CACNA1H: variants seen among roughly 807,000 people sequenced by gnomAD.
CACNA1H encodes calcium voltage-gated channel subunit alpha1 H.
In CACNA1H, 149 loss-of-function variants were observed where a neutral mutation model predicts 192.5. The observed-to-expected ratio is 0.77, with a 90% CI of 0.68 to 0.89. The LOEUF (loss-of-function observed/expected upper bound fraction) is 0.89, where lower values mean the gene tolerates loss of function less well. Among genes scored for constraint, CACNA1H ranks in the 40% least tolerant of loss-of-function variants. CACNA1H has a pLI of 0.00. For missense variants in CACNA1H, 4,257 were observed against 3,423.5 expected, an observed-to-expected ratio of 1.24 and a Z score of -6.08; for synonymous variants, 2,202 against 1,475.2, an observed-to-expected ratio of 1.49 and a Z score of -11.29.
At chr16:1,198,292 C>G (rs1255470095) in intron 5 of CACNA1H, among the ~76,000 whole-genome samples, 2 of 152,176 alleles carry the variant, frequency 1.3e-5, no homozygotes, top group East Asian at 3.9e-4. Flanking sequence ...CCTGCCTCCA[C>G]TCCTGCCCCT....
At position 1,206,667 on chromosome 16, in the gene CACNA1H, A is replaced by G. The variant is rs1335651492; in HGVS notation, c.2790-334A>G. On this transcript the variant is annotated intron_variant, in intron 12 of 34. Coordinates refer to ENST00000348261, the MANE Select transcript of CACNA1H (RefSeq NM_021098.3). ...AGGGTCGGCTGGAGGCTAGGCAGCC[A>G]GGCAGGCCGGGCTTTCACAGTCCAG... The G allele has an allele frequency of 2.1e-5, 9 of 423,626 alleles. No homozygotes were observed. The East Asian group carries it at 3.6e-4, about 17-fold the overall frequency. The allele number at this position is 423,626 out of a possible 1,614,324, so 26.2% of individuals were successfully genotyped here. A position where few individuals can be genotyped will look rare whatever the true frequency, so the allele number is the denominator to read the frequency against.
Position 1,158,713 on chromosome 16 carries a change from G to C in CACNA1H, c.299+4677G>C, listed in dbSNP as rs375158881. Among the ~76,000 whole-genome samples, 1,438 of 152,280 alleles carry C rather than the reference G, an allele frequency of 9.4e-3. 19 individuals carry two copies. The highest frequency in any genetic ancestry group is 0.033 in the African/African-American group (1,352 of 41,558). On this transcript the variant is annotated intron_variant, in intron 2 of 34. Coordinates refer to ENST00000348261, the MANE Select transcript of CACNA1H (RefSeq NM_021098.3). ...CCTCCCAGACCCGCTTCTGCGGCCG[G>C]GGCTGCCGGGCATGTGACCTTGGTG... is the stretch of plus-strand genomic sequence containing the variant.
Position 1,214,917 on chromosome 16 carries a change from G to A in CACNA1H, c.4930-55G>A, listed in dbSNP as rs574647109. 4 of 1,351,810 alleles carry A rather than the reference G, an allele frequency of 3.0e-6. No individual in the cohort carries two copies. The African/African-American group carries it at 5.8e-5, about 20-fold the overall frequency. The allele number at this position is 1,351,810 out of a possible 1,614,324, so 83.7% of individuals were successfully genotyped here. On this transcript the variant is annotated intron_variant, in intron 27 of 34. Transcript: ENST00000348261. ...CTCGGGCGTGCAGAGTGGGAGCCAG[G>A]GGGAAGAGGGGTGGCCCCAGCCCCA...
In CACNA1H at chr16:1,153,157, C is replaced by T. The variant is rs1415051860; in HGVS notation, c.-332C>T. ...GGACGGGCTCGAGGCTCGCTCGCTGCCTCACCGGTCCCCGGCCCGCGCCCC... is the reference window on the plus strand; with the variant it reads ...GGACGGGCTCGAGGCTCGCTCGCTGTCTCACCGGTCCCCGGCCCGCGCCCC... On this transcript the variant is annotated 5_prime_UTR_variant, in exon 1 of 35. Transcript: ENST00000348261. The T allele has an allele frequency of 6.9e-6, 1 of 144,786 alleles. No homozygotes were observed. Among genetic ancestry groups the T allele is most frequent in the Non-Finnish European group, 1.5e-5 (1 of 64,960 alleles). 9.0% of individuals were successfully genotyped at this position (144,786 alleles called of 1,614,324 possible).
In CACNA1H at chr16:1,195,543, G is replaced by A; in HGVS notation, c.523G>A (p.Asp175Asn). The change falls in exon 4 of 35, where the codon GAT (aspartate) becomes AAT (asparagine). Residue 175 changes from aspartate (D) to asparagine (N), a missense_variant. Transcript: ENST00000348261. ...CYLGDTWNRL[D>N]FFIVVAGMME... ...CCTGGGTGACACGTGGAACAGGCTG[G>A]ATTTCTTCATCGTCGTGGCGGGGTA... is the stretch of plus-strand genomic sequence containing the variant. 6.2e-7 allele frequency: 1 copy of A among 1,605,978 alleles called. No individual in the cohort carries two copies. Among genetic ancestry groups the A allele is most frequent in the Non-Finnish European group, 8.5e-7 (1 of 1,176,636 alleles).
chr16:1,170,059 C>T (rs930134310), intron 2 of CACNA1H, among the ~76,000 whole-genome samples: 3 of 152,234 alleles, frequency 2.0e-5, no homozygotes, highest in South Asian at 2.1e-4. Context: ...GAGCCCCCCT[C>T]CCCCGCTCGC....
chr16:1,154,361 G>A (rs1962009016), intron 2 of CACNA1H, among the ~76,000 whole-genome samples: 1 of 152,120 alleles, frequency 6.6e-6, no homozygotes, highest in East Asian at 1.9e-4. Flanking sequence ...AACTCCTCGC[G>A]GCCCCAAGGG....
Position 1,153,949 on chromosome 16 carries a change from C to T in CACNA1H, c.212C>T (p.Pro71Leu). Residue 71 changes from proline (P) to leucine (L), a missense_variant, in exon 2 of 35, where the codon CCG becomes CTG. Pro to Leu is a moderately conservative substitution (Grantham distance 98, BLOSUM62 -3). Coordinates refer to ENST00000348261, the MANE Select transcript of CACNA1H (RefSeq NM_021098.3). ...ELGADEEQRV[P>L]YPALAATVFF... is the part of the protein sequence containing the mutation. ...GGTGCCGACGAGGAGCAGCGCGTCC[C>T]GTACCCGGCCTTGGCGGCCACGGTC... 4.8e-6 allele frequency: 7 copies of T among 1,453,220 alleles called. No individual in the cohort carries two copies. Among genetic ancestry groups the T allele is most frequent in the Non-Finnish European group, 6.3e-6 (7 of 1,103,128 alleles). 90.0% of individuals were successfully genotyped at this position (1,453,220 alleles called of 1,614,324 possible). A position where few individuals can be genotyped will look rare whatever the true frequency, so the allele number is the denominator to read the frequency against.
In CACNA1H at chr16:1,218,491, G is replaced by A. The variant is rs1361622880; in HGVS notation, c.5727G>A (p.Arg1909=). Residue 1909 remains arginine, a synonymous_variant, in exon 33 of 35, where the codon AGG becomes AGA. Transcript: ENST00000348261. Reference sequence around the variant, plus strand: ...TGCCCCAGGAGAGTCCGGGCGCCAGGGACGCCCCAAACCTGGTTGCACGCA... The same window carrying A: ...TGCCCCAGGAGAGTCCGGGCGCCAGAGACGCCCCAAACCTGGTTGCACGCA... ...PPLPQESPGA[R]DAPNLVARKV... is the part of the protein sequence containing the mutation. 2 of 1,552,518 alleles carry A rather than the reference G, an allele frequency of 1.3e-6. No homozygotes were observed. Among genetic ancestry groups the A allele is most frequent in the Non-Finnish European group, 1.7e-6 (2 of 1,148,320 alleles).
Position 1,195,875 on chromosome 16 carries a change from T to C in CACNA1H, c.546-51T>C. On this transcript the variant is annotated intron_variant, in intron 4 of 34. Transcript: ENST00000348261. The stretch of plus-strand genomic sequence containing the variant: ...CCTACTTTGCACCCCAGCCCCACCC[T>C]GGACCACCTGGGCTCCTTGTTGAGC... The C allele has an allele frequency of 3.0e-6, 4 of 1,335,798 alleles. No homozygotes were observed. In the Admixed American group the frequency reaches 6.8e-5, roughly 23 times the overall value. 82.7% of individuals were successfully genotyped at this position (1,335,798 alleles called of 1,614,324 possible). A position where few individuals can be genotyped will look rare whatever the true frequency, so the allele number is the denominator to read the frequency against.
At chr16:1,184,485 C>G (rs528271512) in intron 2 of CACNA1H, among the ~76,000 whole-genome samples, 2 of 152,380 alleles carry the variant, frequency 1.3e-5, no homozygotes, top group African/African-American at 4.8e-5. Context: ...GCCTGGGCTG[C>G]TCGTTTCCCG....
Position 1,195,557 on chromosome 16 carries a change from C to G in CACNA1H, c.537C>G (p.Val179=). ...DTWNRLDFFI[V]VAGMMEYSLD... ...GGAACAGGCTGGATTTCTTCATCGT[C>G]GTGGCGGGGTAGGCCCCGCCTGGGA... Residue 179 remains valine (V), a synonymous_variant, in exon 4 of 35, where the codon GTC becomes GTG. Coordinates refer to ENST00000348261, the MANE Select transcript of CACNA1H (RefSeq NM_021098.3). The G allele has an allele frequency of 6.3e-7, 1 of 1,591,858 alleles. No individual in the cohort carries two copies. Among genetic ancestry groups the G allele is most frequent in the Non-Finnish European group, 8.5e-7 (1 of 1,169,734 alleles).
chr16:1,195,367 T>TGGGGTTG lies in CACNA1H; in HGVS notation c.412-57_412-51dup. On this transcript the variant is annotated intron_variant, in intron 3 of 34. Coordinates refer to ENST00000348261, the MANE Select transcript of CACNA1H (RefSeq NM_021098.3). ...ACTGGGGGCCGGGCTCTTGCGGGGC[T>TGGGGTTG]GGGGTTGGGGGTTGTGGGCTGAGCT... The TGGGGTTG allele has an allele frequency of 3.5e-6, 5 of 1,434,242 alleles. No homozygotes were observed. In the South Asian group the frequency reaches 5.0e-5, roughly 14 times the overall value. 88.8% of individuals were successfully genotyped at this position (1,434,242 alleles called of 1,614,324 possible). A position where few individuals can be genotyped will look rare whatever the true frequency, so the allele number is the denominator to read the frequency against.
intron 4 of CACNA1H, 122 bp downstream of exon 4, chr16:1,195,687 C>A: frequency 1.6e-6 from 2 of 1,219,374 alleles, no homozygotes; most frequent in African/African-American, 1.5e-5. Flanking sequence ...CCAGGTAGAG[C>A]CAGGGACCCT....
intron 10 of CACNA1H, 120 bp downstream of exon 10, chr16:1,204,578 C>T (rs1481988815): frequency 5.3e-6 from 4 of 756,238 alleles, no homozygotes; most frequent in Admixed American, 3.0e-5. Context: ...AGGCAGGGCT[C>T]TAGAAAGCCG....
At chr16:1,163,367 G>A (rs1963422980) in intron 2 of CACNA1H, among the ~76,000 whole-genome samples, 1 of 152,234 alleles carries the variant, frequency 6.6e-6, no homozygotes, top group Non-Finnish European at 1.5e-5. Flanking sequence ...TCTCCCCATG[G>A]CACCTCGTGC....
At chr16:1,215,837 C>G (rs1405703959) in intron 30 of CACNA1H, among the ~76,000 whole-genome samples, 1 of 152,106 alleles carries the variant, frequency 6.6e-6, no homozygotes, top group Non-Finnish European at 1.5e-5. Context: ...CCCCGGTGCA[C>G]TTCCAGAGGC....
At chr16:1,200,155 G>T (rs538007606) in intron 6 of CACNA1H, 101 bp from the exon 7 acceptor site, 3 of 948,294 alleles carry the variant, frequency 3.2e-6, no homozygotes, top group Non-Finnish European at 4.5e-6. Context: ...CCCTGATCAC[G>T]TCCCTGACCT....
In CACNA1H at chr16:1,195,381, G is replaced by C. The variant is rs372622617; in HGVS notation, c.412-51G>C. The C allele has an allele frequency of 2.0e-4, 303 of 1,548,432 alleles. No individual in the cohort carries two copies. In the East Asian group the frequency reaches 5.9e-3, roughly 30 times the overall value. ...TCTTGCGGGGCTGGGGTTGGGGGTT[G>C]TGGGCTGAGCTGAGCTGTTCCACGG... On this transcript the variant is annotated intron_variant, in intron 3 of 34. Coordinates refer to ENST00000348261, the MANE Select transcript of CACNA1H (RefSeq NM_021098.3).
Sources: gnomAD v4.1 joint callset for allele counts (sites outside exome capture counted in the v4.1 genomes callset) on GRCh38, gnomAD v4.1.1 for gene constraint, MANE v1.5 for transcripts, NCBI Gene and HGNC (gene_info 2026-07-23, HGNC 2026-07-21) for gene names.